ARHGEF18: variants seen among roughly 807,000 people sequenced by gnomAD.
The protein encoded by ARHGEF18 is rho guanine nucleotide exchange factor 18.
Under a neutral mutation model 155.7 loss-of-function variants are expected in ARHGEF18, and 93 were observed. The ratio of observed to expected loss-of-function variants is 0.60; its 90% CI spans 0.50 to 0.71. ARHGEF18 has a LOEUF of 0.71. ARHGEF18 is among the 30% of genes least tolerant of loss of function. The pLI is 0.00. For synonymous variants in ARHGEF18, 742 were observed against 753.1 expected, an observed-to-expected ratio of 0.99 and a Z score of 0.24; for missense variants, 1,593 against 1,816.1, an observed-to-expected ratio of 0.88 and a Z score of 2.23.
chr19:7,473,422 G>C (rs919149513), downstream of ARHGEF18: 10 of 396,298 alleles, frequency 2.5e-5, no homozygotes, highest in Non-Finnish European at 4.6e-5. Context: ...CAGCATTTTG[G>C]GGAGGCGGGG....
intron 10 of ARHGEF18, among the ~76,000 whole-genome samples, chr19:7,426,249 A>G (rs995951628): frequency 3.3e-5 from 5 of 152,166 alleles, no homozygotes; most frequent in African/African-American, 1.2e-4. Flanking sequence ...ACACTTTGGG[A>G]GGCTGAGGCG....
In ARHGEF18 at chr19:7,423,545, G is replaced by A. The variant is rs999209622; in HGVS notation, c.968-16799G>A. Among the ~76,000 whole-genome samples, 3 of 151,858 alleles carry A rather than the reference G, an allele frequency of 2.0e-5. No homozygotes were observed. In the Admixed American group the frequency reaches 2.0e-4, roughly 10 times the overall value. ...TGAAAATCCTTCTCTACTACAAGTA[G>A]AAAAAATTAGCCGGGCGTGGTAATG... is the stretch of plus-strand genomic sequence containing the variant. On this transcript the variant is annotated intron_variant, in intron 10 of 28. Transcript: ENST00000668164.
At chr19:7,445,397 A>G (rs900290970) in intron 14 of ARHGEF18, among the ~76,000 whole-genome samples, 1 of 152,140 alleles carries the variant, frequency 6.6e-6, no homozygotes, top group Non-Finnish European at 1.5e-5. Flanking sequence ...GCAATGAGCT[A>G]TGATCATGCC....
At position 7,395,594 on chromosome 19, in the gene ARHGEF18, G is replaced by A. The variant is rs1391275449; in HGVS notation, c.967+12391G>A. The stretch of plus-strand genomic sequence containing the variant: ...TGCTCCTCGTTCAGGAGCGCCCGGG[G>A]CAGGACCAGGGATGGAATGGAACCC... On this transcript the variant is annotated intron_variant, in intron 10 of 28. Transcript: ENST00000668164. The surrounding 1 kb of genome is among the most constrained non-coding windows in gnomAD (Gnocchi z 5.0). Among the ~76,000 whole-genome samples, 3 of 152,244 alleles carry A rather than the reference G, an allele frequency of 2.0e-5. No homozygotes were observed. Among genetic ancestry groups the A allele is most frequent in the Admixed American group, 2.0e-4 (3 of 15,302 alleles).
chr19:7,438,418 T>G (rs997356163), intron 10 of ARHGEF18, among the ~76,000 whole-genome samples: 1 of 150,388 alleles, frequency 6.6e-6, no homozygotes, highest in African/African-American at 2.5e-5. Context: ...CTTTTTTTTT[T>G]TTTTATTTTT....
chr19:7,430,738 G>A (rs547352407), intron 10 of ARHGEF18, among the ~76,000 whole-genome samples: 12 of 152,270 alleles, frequency 7.9e-5, no homozygotes, highest in African/African-American at 2.2e-4. Context: ...CCAGGAATTC[G>A]TAACTGCGGT....
At chr19:7,461,891 GTCC>G (rs1383580022) in intron 20 of ARHGEF18, among the ~76,000 whole-genome samples, 2 of 152,122 alleles carry the variant, frequency 1.3e-5, no homozygotes, top group Non-Finnish European at 2.9e-5. Context: ...GGCCGCAAGA[GTCC>G]TCCTACCTTG....
At chr19:7,369,581 G>C (rs1970107307) in intron 2 of ARHGEF18, among the ~76,000 whole-genome samples, 1 of 151,878 alleles carries the variant, frequency 6.6e-6, no homozygotes, top group African/African-American at 2.4e-5. Context: ...GGTGAATCAT[G>C]AGGTCAGGAG....
At chr19:7,466,840 A>T in intron 23 of ARHGEF18, 78 bp from the exon 24 acceptor site, 2 of 1,064,248 alleles carry the variant, frequency 1.9e-6, no homozygotes, top group Non-Finnish European at 2.7e-6. Context: ...AAAAAAAAAG[A>T]AGAAGAAGAA....
In ARHGEF18 at chr19:7,470,001, C is replaced by A; in HGVS notation, c.3885C>A (p.Pro1295=). The A allele has an allele frequency of 1.9e-6, 3 of 1,613,062 alleles. No individual in the cohort carries two copies. The highest frequency in any genetic ancestry group is 2.5e-6 in the Non-Finnish European group (3 of 1,179,862). The change falls in exon 28 of 29, where the codon CCC becomes CCA. Residue 1295 remains proline, a synonymous_variant. Transcript: ENST00000668164. The surrounding 1 kb of genome is among the most constrained non-coding windows in gnomAD (Gnocchi z 5.9). The part of the protein sequence containing the change: ...RNRRSLSPIL[P]GRHSPAPPPD... ...GCCGCTCGCTGAGCCCTATCCTGCC[C>A]GGCAGACACAGTCCTGCGCCCCCAC...
At chr19:7,420,403 C>T (rs1973281526) in intron 10 of ARHGEF18, among the ~76,000 whole-genome samples, 1 of 152,032 alleles carries the variant, frequency 6.6e-6, no homozygotes, top group South Asian at 2.1e-4. Context: ...CAGGCGTGTG[C>T]CATCACATTC....
Position 7,466,946 on chromosome 19 carries a change from C to T in ARHGEF18, c.2933C>T (p.Pro978Leu), listed in dbSNP as rs764708460. Residue 978 changes from proline (P) to leucine (L), a missense_variant, in exon 24 of 29, where the codon CCC becomes CTC. By Grantham distance (98) the Pro-to-Leu change is moderately conservative (BLOSUM62 -3). Coordinates refer to ENST00000668164, the MANE Select transcript of ARHGEF18 (RefSeq NM_001367823.1). ...VVEAPGTESDPRLPTVLESEL... is the reference protein window; with the variant it reads ...VVEAPGTESDLRLPTVLESEL... ...GAGGCGCCAGGCACGGAATCCGATC[C>T]CCGTCTGCCCACCGTCCTGGAGTCG... The T allele has an allele frequency of 3.1e-6, 5 of 1,613,526 alleles. No individual in the cohort carries two copies. Among genetic ancestry groups the T allele is most frequent in the Non-Finnish European group, 4.2e-6 (5 of 1,180,000 alleles).
At chr19:7,459,686 A>G (rs958586780) in intron 19 of ARHGEF18, among the ~76,000 whole-genome samples, 2 of 152,222 alleles carry the variant, frequency 1.3e-5, no homozygotes, top group Non-Finnish European at 2.9e-5. Context: ...ACAGGCAGGC[A>G]TGTAAAGCCT....
At chr19:7,380,811 G>A in intron 7 of ARHGEF18, 106 bp from the exon 8 acceptor site, 1 of 616,400 alleles carries the variant, frequency 1.6e-6, no homozygotes, top group East Asian at 3.5e-5. Flanking sequence ...GGACAGGTGG[G>A]CTCTTAGACG....
intron 6 of ARHGEF18, among the ~76,000 whole-genome samples, chr19:7,378,684 CTT>C (rs548305968): frequency 7.9e-5 from 7 of 88,132 alleles, no homozygotes; most frequent in African/African-American, 1.5e-4. Flanking sequence ...ACAATTGTGG[CTT>C]TTTTTTTTTT....
intron 19 of ARHGEF18, 109 bp from the exon 20 acceptor site, chr19:7,459,794 C>G (rs908678427): frequency 4.5e-6 from 4 of 894,562 alleles, no homozygotes; most frequent in Middle Eastern, 2.2e-4. Flanking sequence ...AGCTAAATCA[C>G]TCCCAAAGTC....
chr19:7,396,892 A>G (rs1383169018), intron 10 of ARHGEF18, among the ~76,000 whole-genome samples: 4 of 152,072 alleles, frequency 2.6e-5, no homozygotes, highest in Non-Finnish European at 4.4e-5. Context: ...GGTGCATCAC[A>G]GAAGTGTCTG....
chr19:7,454,744 G>C (rs1188342265), intron 17 of ARHGEF18, among the ~76,000 whole-genome samples: 1 of 152,156 alleles, frequency 6.6e-6, no homozygotes, highest in East Asian at 1.9e-4. Flanking sequence ...GGCATGCTGA[G>C]TTGTTGACTT....
In ARHGEF18 at chr19:7,375,871, G is replaced by A. The variant is rs1270189848; in HGVS notation, c.426+1G>A. ...GACCCCCGCAGAGAGCCCAGGCAAGGTGGGTATAACCTGCAGCCACCCCTG... is the reference window on the plus strand; with the variant it reads ...GACCCCCGCAGAGAGCCCAGGCAAGATGGGTATAACCTGCAGCCACCCCTG... On this transcript the variant is annotated splice_donor_variant, in intron 4 of 28. Transcript: ENST00000668164. LOFTEE classifies it high-confidence loss of function. 1 of 1,234,432 alleles carries A rather than the reference G, an allele frequency of 8.1e-7. No individual in the cohort carries two copies. Among genetic ancestry groups the A allele is most frequent in the Non-Finnish European group, 1.0e-6 (1 of 988,218 alleles). The allele number at this position is 1,234,432 out of a possible 1,614,324, so 76.5% of individuals were successfully genotyped here.
Sources: gnomAD v4.1 joint callset for allele counts (sites outside exome capture counted in the v4.1 genomes callset) on GRCh38, gnomAD v4.1.1 for gene constraint, Gnocchi (gnomAD v3.1) non-coding constraint, MANE v1.5 for transcripts, NCBI Gene and HGNC (gene_info 2026-07-23, HGNC 2026-07-21) for gene names.